LARGE1: variants seen among roughly 807,000 people sequenced by gnomAD.
LARGE1 encodes xylosyl- and glucuronyltransferase LARGE1.
Under a neutral mutation model 87.6 loss-of-function variants are expected in LARGE1, and 43 were observed. The ratio of observed to expected loss-of-function variants is 0.49; its 90% confidence interval spans 0.38 to 0.63. The LOEUF is 0.63. Among genes scored for constraint, LARGE1 ranks in the 30% least tolerant of loss-of-function variants. LARGE1 has a pLI of 0.00. For missense variants in LARGE1, 802 were observed against 1,000.2 expected (o/e 0.80, Z 2.67); for synonymous variants, 434 against 394.6 (o/e 1.10, Z -1.18).
chr22:33,468,590 T>C (rs1319343472), intron 6 of LARGE1, among the ~76,000 whole-genome samples: 2 of 152,198 alleles, frequency 1.3e-5, no homozygotes, highest in African/African-American at 4.8e-5. Flanking sequence ...ATCAAAACAT[T>C]TATTGAATAT....
the LARGE1 span, among the ~76,000 whole-genome samples, chr22:33,129,411 G>A: frequency 6.6e-6 from 1 of 152,216 alleles, no homozygotes; most frequent in African/African-American, 2.4e-5. Context: ...TATGAAAACT[G>A]GTGAAATTGC....
intron 9 of LARGE1, among the ~76,000 whole-genome samples, chr22:33,342,035 A>T (rs1352385637): frequency 6.6e-6 from 1 of 152,172 alleles, no homozygotes; most frequent in Non-Finnish European, 1.5e-5. Context: ...GGGACGTATG[A>T]GTGTGCAATA....
the LARGE1 span, chr22:33,106,134 A>G: frequency 6.6e-6 from 1 of 152,258 alleles, no homozygotes; most frequent in Admixed American, 6.5e-5. Context: ...GGAGAAAGGA[A>G]TTCCGACGTG....
chr22:33,481,280 G>A (rs1314028530), intron 6 of LARGE1, among the ~76,000 whole-genome samples: 1 of 150,136 alleles, frequency 6.7e-6, no homozygotes, highest in East Asian at 1.9e-4. Context: ...AGCACTGCCA[G>A]TGTTTAATTA....
At chr22:33,874,478 T>C (rs892755293) in intron 1 of LARGE1, among the ~76,000 whole-genome samples, 3 of 152,206 alleles carry the variant, frequency 2.0e-5, no homozygotes, top group African/African-American at 7.2e-5. Flanking sequence ...AACGGAGCAA[T>C]TTGCTCAACG....
At chr22:33,407,317 G>A (rs368571431) in intron 7 of LARGE1, among the ~76,000 whole-genome samples, 1 of 152,158 alleles carries the variant, frequency 6.6e-6, no homozygotes, top group Non-Finnish European at 1.5e-5. Flanking sequence ...GCACCACTGT[G>A]CCCAGCAGGA....
chr22:33,681,666 G>C (rs1906160140), intron 2 of LARGE1, among the ~76,000 whole-genome samples: 1 of 152,196 alleles, frequency 6.6e-6, no homozygotes, highest in African/African-American at 2.4e-5. Flanking sequence ...ATATTAGTCT[G>C]ATTTAATCCA....
intron 6 of LARGE1, among the ~76,000 whole-genome samples, chr22:33,537,862 T>G (rs74814716): frequency 0.043 from 6,515 of 152,240 alleles, 377 homozygotes; most frequent in African/African-American, 0.13. Flanking sequence ...TGAGCCACCA[T>G]GCCTGGCCCT....
chr22:33,191,670 C>T (rs926773864), intron 11 of LARGE1, among the ~76,000 whole-genome samples: 1 of 152,214 alleles, frequency 6.6e-6, no homozygotes, highest in Non-Finnish European at 1.5e-5. Context: ...TGAGCACAGA[C>T]ATGAGTGTAA....
intron 1 of LARGE1, among the ~76,000 whole-genome samples, chr22:33,853,428 G>C (rs895159309): frequency 2.0e-5 from 3 of 152,166 alleles, no homozygotes; most frequent in African/African-American, 7.2e-5. Flanking sequence ...CCAACCTTTA[G>C]CCTCATTCAA....
chr22:33,509,275 T>C (rs982599934), intron 6 of LARGE1, among the ~76,000 whole-genome samples: 8 of 152,098 alleles, frequency 5.3e-5, no homozygotes, highest in Non-Finnish European at 1.2e-4. Context: ...TGAGAACCAC[T>C]GGCCTCATCA....
chr22:33,468,086 G>A (rs796472363), intron 6 of LARGE1, among the ~76,000 whole-genome samples: 42 of 152,266 alleles, frequency 2.8e-4, no homozygotes, highest in African/African-American at 9.4e-4. Context: ...CCTAGGATGG[G>A]GTAATGCTAA....
rs539442374 is a variant in LARGE1, at chr22:33,637,062, G to T, written c.409-10736C>A. Among the ~76,000 whole-genome samples, 10 of 152,234 alleles carry T rather than the reference G, an allele frequency of 6.6e-5. No homozygotes were observed. In the East Asian group the frequency reaches 9.7e-4, roughly 15 times the overall value. On this transcript the variant is annotated intron_variant, in intron 3 of 14. Transcript: ENST00000397394. ...CACTCTTTCCTCTACCTTCAAGTAAGGTTAGGATAGTATTTTTCCCATCAT... is the reference window on the plus strand; with the variant it reads ...CACTCTTTCCTCTACCTTCAAGTAATGTTAGGATAGTATTTTTCCCATCAT...
intron 1 of LARGE1, among the ~76,000 whole-genome samples, chr22:33,767,296 T>C (rs971234606): frequency 3.3e-5 from 5 of 151,788 alleles, no homozygotes; most frequent in African/African-American, 4.8e-5. Flanking sequence ...CACTCCAGCC[T>C]GGGCGACAGA....
At chr22:33,428,564 C>T (rs530075279) in intron 7 of LARGE1, among the ~76,000 whole-genome samples, 7 of 150,474 alleles carry the variant, frequency 4.7e-5, no homozygotes, top group East Asian at 4.1e-4. Flanking sequence ...CCACCCACCT[C>T]GGCCTCCCAA....
intron 6 of LARGE1, among the ~76,000 whole-genome samples, chr22:33,441,071 C>CTTTTTTTT (rs35976426): frequency 5.1e-5 from 5 of 98,526 alleles, no homozygotes; most frequent in African/African-American, 2.0e-4. Flanking sequence ...TTTGTTTGAA[C>CTTTTTTTT]TTTTTTTTTT....
chr22:33,840,381 C>T (rs1378351131), intron 1 of LARGE1, among the ~76,000 whole-genome samples: 4 of 152,116 alleles, frequency 2.6e-5, no homozygotes, highest in Non-Finnish European at 4.4e-5. Flanking sequence ...ACTTTTTATA[C>T]ATACATTCTT....
intron 11 of LARGE1, among the ~76,000 whole-genome samples, chr22:33,256,580 C>T (rs1927284235): frequency 6.6e-6 from 1 of 152,102 alleles, no homozygotes; most frequent in Admixed American, 6.5e-5. Flanking sequence ...CCTGAATATG[C>T]CAACAATGCC....
At chr22:33,278,542 A>ATCTCTCTCTCTC (rs369492393) in intron 13 of LARGE1, among the ~76,000 whole-genome samples, 3 of 145,758 alleles carry the variant, frequency 2.1e-5, no homozygotes, top group African/African-American at 8.0e-5. Flanking sequence ...ACTATTTTAA[A>ATCTCTCTCTCTC]TCTCTCTCTC....
Sources: gnomAD v4.1 joint callset for allele counts (sites outside exome capture counted in the v4.1 genomes callset) on GRCh38, gnomAD v4.1.1 for gene constraint, MANE v1.5 for transcripts, NCBI Gene and HGNC (gene_info 2026-07-23, HGNC 2026-07-21) for gene names.